NRXN3: variants seen among roughly 807,000 people sequenced by gnomAD.
The protein encoded by NRXN3 is neurexin 3, also known as neurexin III.
NRXN3 carries 32 observed loss-of-function variants against 137.6 expected under a neutral mutation model. The observed-to-expected ratio is 0.23, with a 90% confidence interval of 0.18 to 0.31. The LOEUF is 0.31. Among genes scored for constraint, NRXN3 ranks in the 10% least tolerant of loss-of-function variants. NRXN3 has a pLI of 1.00. For synonymous variants in NRXN3, 798 were observed against 784.5 expected (o/e 1.02, Z -0.29); for missense variants, 1,574 against 2,062.5 (o/e 0.76, Z 4.59).
At chr14:79,162,317 A>G (rs2060866549) in intron 15 of NRXN3, among the ~76,000 whole-genome samples, 1 of 126,020 alleles carries the variant, frequency 7.9e-6, no homozygotes, top group Non-Finnish European at 1.6e-5. Flanking sequence ...AACAGTCCCC[A>G]GAGTGTGATG....
In NRXN3 at chr14:79,099,148, C is replaced by T. The variant is rs2050839912; in HGVS notation, c.3262+111007C>T. On this transcript the variant is annotated intron_variant, in intron 15 of 20. Transcript: ENST00000335750. ...GAATAGATGTGAGTAGGCAACCATA[C>T]AATAGTGTTTGTTTTGAGGACAATT... Among the ~76,000 whole-genome samples, 5 of 152,136 alleles carry T rather than the reference C, an allele frequency of 3.3e-5. 1 individual carries two copies. The South Asian group carries it at 1.0e-3, about 32-fold the overall frequency.
At chr14:78,338,822 A>C (rs1362000554) in intron 4 of NRXN3, among the ~76,000 whole-genome samples, 1 of 152,178 alleles carries the variant, frequency 6.6e-6, no homozygotes, top group Non-Finnish European at 1.5e-5. Context: ...TGGACTTAAC[A>C]CTTTAACACT....
chr14:79,833,869 C>A (rs2293827), intron 20 of NRXN3, among the ~76,000 whole-genome samples: 12,897 of 152,116 alleles, frequency 0.085, 894 homozygotes, highest in East Asian at 0.35. Context: ...TTAATTGGAC[C>A]TTTTGGAATG....
At chr14:79,853,057 A>G (rs555155867) in intron 20 of NRXN3, among the ~76,000 whole-genome samples, 4 of 152,266 alleles carry the variant, frequency 2.6e-5, no homozygotes, top group African/African-American at 9.6e-5. Context: ...GCCTGGTCTC[A>G]TTGCCAATTG....
At chr14:78,852,107 CT>C (rs1325721048) in intron 10 of NRXN3, among the ~76,000 whole-genome samples, 5 of 152,098 alleles carry the variant, frequency 3.3e-5, no homozygotes, top group African/African-American at 7.2e-5. Flanking sequence ...AGATGATGAA[CT>C]ATTTTAGTGA....
At chr14:78,742,845 T>A (rs1372406631) in intron 8 of NRXN3, among the ~76,000 whole-genome samples, 7 of 152,248 alleles carry the variant, frequency 4.6e-5, no homozygotes, top group Admixed American at 4.6e-4. Flanking sequence ...GATAAGAATG[T>A]TCTTCTTTTA....
At chr14:79,058,779 A>G (rs1242257194) in intron 15 of NRXN3, among the ~76,000 whole-genome samples, 1 of 152,110 alleles carries the variant, frequency 6.6e-6, no homozygotes, top group African/African-American at 2.4e-5. Context: ...GGTTCTCTCC[A>G]TGCTGTTCTC....
chr14:79,050,006 C>T (rs938800063), intron 15 of NRXN3, among the ~76,000 whole-genome samples: 5 of 152,154 alleles, frequency 3.3e-5, no homozygotes, highest in African/African-American at 1.2e-4. Context: ...ATCTAGAAAA[C>T]TGAGAAACAG....
At chr14:78,333,245 TA>T (rs1196924178) in intron 4 of NRXN3, among the ~76,000 whole-genome samples, 1 of 152,002 alleles carries the variant, frequency 6.6e-6, no homozygotes, top group African/African-American at 2.4e-5. Flanking sequence ...AGGTGTAGGG[TA>T]AAGGAATTAT....
intron 10 of NRXN3, among the ~76,000 whole-genome samples, chr14:78,927,772 T>A (rs917231236): frequency 1.3e-5 from 2 of 152,152 alleles, no homozygotes; most frequent in African/African-American, 4.8e-5. Context: ...CATGCAAACT[T>A]AAGCTTGCCA....
intron 16 of NRXN3, among the ~76,000 whole-genome samples, chr14:79,643,938 A>C (rs1024596941): frequency 7.4e-6 from 1 of 135,484 alleles, no homozygotes; most frequent in African/African-American, 2.5e-5. Flanking sequence ...TTATCTACCC[A>C]ATTGTAAACT....
At chr14:79,136,789 T>C (rs185680584) in intron 15 of NRXN3, among the ~76,000 whole-genome samples, 2 of 152,266 alleles carry the variant, frequency 1.3e-5, no homozygotes, top group East Asian at 1.9e-4. Context: ...TTCTTAAGGA[T>C]ATAAAGGCAA....
At chr14:78,580,289 C>T (rs1047836480) in intron 4 of NRXN3, among the ~76,000 whole-genome samples, 3 of 152,030 alleles carry the variant, frequency 2.0e-5, no homozygotes, top group Non-Finnish European at 4.4e-5. Flanking sequence ...ACTTAGTGGC[C>T]TGGATTTAGG....
At chr14:79,207,461 T>C (rs2066952970) in intron 15 of NRXN3, among the ~76,000 whole-genome samples, 1 of 152,224 alleles carries the variant, frequency 6.6e-6, no homozygotes, top group African/African-American at 2.4e-5. Context: ...AAAATGAGGC[T>C]GTCCCTTCTG....
At chr14:79,408,748 C>G (rs2095360095) in intron 15 of NRXN3, among the ~76,000 whole-genome samples, 1 of 152,070 alleles carries the variant, frequency 6.6e-6, no homozygotes, top group Non-Finnish European at 1.5e-5. Context: ...GCACATATTT[C>G]CAGGCTCATT....
chr14:78,182,426 G>C (rs554107044), intron 1 of NRXN3, among the ~76,000 whole-genome samples: 1 of 152,064 alleles, frequency 6.6e-6, no homozygotes, highest in African/African-American at 2.4e-5. Flanking sequence ...TCCTGGCCAC[G>C]TGTGGAGCTC....
intron 4 of NRXN3, among the ~76,000 whole-genome samples, chr14:78,300,942 ATCTTGTAC>A (rs2076812660): frequency 6.6e-6 from 1 of 152,092 alleles, no homozygotes. Flanking sequence ...CTTCTGCATG[ATCTTGTAC>A]TCTTTCTATC....
chr14:78,597,961 G>A (rs1490631801), intron 4 of NRXN3, among the ~76,000 whole-genome samples: 1 of 152,188 alleles, frequency 6.6e-6, no homozygotes, highest in East Asian at 1.9e-4. Context: ...ATTAAAAGCA[G>A]GAGGACTTTA....
intron 17 of NRXN3, among the ~76,000 whole-genome samples, chr14:79,690,780 C>T (rs2098713607): frequency 6.6e-6 from 1 of 152,116 alleles, no homozygotes; most frequent in African/African-American, 2.4e-5. Flanking sequence ...GTGGAATCTC[C>T]TCAGCCAATA....
Sources: allele counts gnomAD v4.1 joint callset (sites outside exome capture counted in the v4.1 genomes callset), GRCh38; gene constraint gnomAD v4.1.1; transcripts MANE v1.5; gene names NCBI Gene and HGNC (gene_info 2026-07-23, HGNC 2026-07-21).